The following FAM3A variants were observed in gnomAD, a reference collection of about 807,000 sequenced individuals.
FAM3A encodes protein FAM3A.
FAM3A carries 5 observed loss-of-function variants against 18.1 expected under a neutral mutation model. The observed-to-expected ratio is 0.28, with a 90% confidence interval of 0.14 to 0.58. FAM3A has a LOEUF of 0.58. Among genes scored for constraint, FAM3A ranks in the 20% least tolerant of loss-of-function variants. FAM3A has a pLI of 0.91. For missense variants in FAM3A, 154 were observed against 216.6 expected, an observed-to-expected ratio of 0.71 and a Z score of 1.81; for synonymous variants, 108 against 90.2, an observed-to-expected ratio of 1.20 and a Z score of -1.12.
At position 154,506,859 on chromosome X, in the gene FAM3A, C is replaced by T; in HGVS notation, c.645G>A (p.Glu215=). ...KHSNKYEGWP[E]ALEMEGCIPR... Reference sequence around the variant, plus strand: ...GGATACAGCCTTCCATCTCCAGCGCCTCGGGCCAGCCTTCGTACTTGTTGC... The same window carrying T: ...GGATACAGCCTTCCATCTCCAGCGCTTCGGGCCAGCCTTCGTACTTGTTGC... The change falls in exon 9 of 9, where the codon GAG becomes GAA. Residue 215 remains glutamate (E), a synonymous_variant. Coordinates refer to ENST00000447601, the MANE Select transcript of FAM3A (RefSeq NM_021806.4). 8.3e-7 allele frequency: 1 copy of T among 1,212,073 alleles called. No individual in the cohort carries two copies. Among genetic ancestry groups the T allele is most frequent in the Non-Finnish European group, 1.1e-6 (1 of 895,352 alleles).
Position 154,506,879 on chromosome X carries a change from T to G in FAM3A, c.625A>C (p.Lys209Gln). The G allele has an allele frequency of 8.3e-7, 1 of 1,211,624 alleles. No individual in the cohort carries two copies. Among genetic ancestry groups the G allele is most frequent in the Non-Finnish European group, 1.1e-6 (1 of 895,028 alleles). Residue 209 changes from lysine to glutamine, a missense_variant, in exon 9 of 9, where the codon AAG (lysine) becomes CAG (glutamine). Lys to Gln is a moderately conservative substitution (Grantham distance 53). This residue lies in a region of FAM3A where 39 missense variants were observed against 38.5 expected (regional missense o/e 1.01). Transcript: ENST00000447601. ...QHVKNSKHSN[K>Q]YEGWPEALEM... ...AGCGCCTCGGGCCAGCCTTCGTACT[T>G]GTTGCTGTGCTTACTGTTCTTCACG...
intron 7 of FAM3A, 27 bp from the exon 8 acceptor site, chrX:154,507,356 G>T: frequency 8.3e-7 from 1 of 1,211,926 alleles, no homozygotes; most frequent in Non-Finnish European, 1.1e-6. Flanking sequence ...AGGGGTGTCA[G>T]CTGTTGCTGC....
At chrX:154,508,370 G>GGGGGGCCCCCCCCCCCCC in intron 4 of FAM3A, 23 bp from the exon 5 acceptor site, 1 of 317,069 alleles carries the variant, frequency 3.2e-6, no homozygotes, top group Non-Finnish European at 5.6e-6. Context: ...GGGTGGGGGG[G>GGGGGGCCCCCCCCCCCCC]ACGGGGAGAT....
chrX:154,512,686 C>G lies in FAM3A; in HGVS notation c.127+137G>C, dbSNP rs782104536. On this transcript the variant is annotated intron_variant, in intron 2 of 8. Transcript: ENST00000447601. ...GCTGCGCCTGATGCCAGGAGACAGA[C>G]TGGGGACAGCCAAAGGTAGCCTGCC... 1.5e-4 allele frequency: 70 copies of G among 475,529 alleles called. No individual in the cohort carries two copies. The Middle Eastern group carries it at 3.5e-3, about 24-fold the overall frequency. The allele number at this position is 475,529 out of a possible 1,213,427, so 39.2% of individuals were successfully genotyped here. A position where few individuals can be genotyped will look rare whatever the true frequency, so the allele number is the denominator to read the frequency against.
intron 3 of FAM3A, chrX:154,509,924 C>G (rs1569555813): frequency 8.9e-6 from 1 of 112,557 alleles, no homozygotes; most frequent in East Asian, 2.8e-4. Context: ...TAGAAAAGGT[C>G]TGGATTGCCT....
intron 1 of FAM3A, among the ~76,000 whole-genome samples, chrX:154,514,276 T>C (rs782567844): frequency 8.9e-6 from 1 of 112,032 alleles, no homozygotes; most frequent in South Asian, 3.7e-4. Context: ...GGAGTCTTGC[T>C]CTTGCCCCCC....
In FAM3A at chrX:154,508,151, T is replaced by C. The variant is rs2069660640; in HGVS notation, c.334+138A>G. On this transcript the variant is annotated intron_variant, in intron 5 of 8. Transcript: ENST00000447601. ...CATTGGGTCACTCCTCTGTGGAGCC[T>C]TGCGCTTGCACAGACTCCTTCCCAG... is the stretch of plus-strand genomic sequence containing the variant. 1.0e-5 allele frequency: 5 copies of C among 488,324 alleles called. No individual in the cohort carries two copies. The South Asian group carries it at 1.4e-4, about 13-fold the overall frequency. The allele number at this position is 488,324 out of a possible 1,213,427, so 40.2% of individuals were successfully genotyped here.
chrX:154,508,301 C>T lies in FAM3A; in HGVS notation c.322G>A (p.Ala108Thr). The change falls in exon 5 of 9, where the codon GCC becomes ACC. Residue 108 changes from alanine (A) to threonine (T), a missense_variant. Physicochemically the swap from Ala to Thr is moderately conservative, Grantham distance 58 (BLOSUM62 0). Transcript: ENST00000447601. Reference sequence around the variant, plus strand: ...CCAGGGGCCTCACCGTTCACCAGGGCGATGTTCAGCCCGCGGCCCACGTTG... The same window carrying T: ...CCAGGGGCCTCACCGTTCACCAGGGTGATGTTCAGCCCGCGGCCCACGTTG... ...KDNVGRGLNIALVNGVSGELI... is the reference protein window; with the variant it reads ...KDNVGRGLNITLVNGVSGELI... 1.9e-6 allele frequency: 2 copies of T among 1,073,543 alleles called. No homozygotes were observed. The highest frequency in any genetic ancestry group is 2.4e-5 in the South Asian group (1 of 42,550). 88.5% of individuals were successfully genotyped at this position (1,073,543 alleles called of 1,213,427 possible).
At position 154,506,351 on chromosome X, in the gene FAM3A, C is replaced by T. The variant is rs1212136183; in HGVS notation, c.*460G>A. The T allele has an allele frequency of 8.3e-6, 1 of 120,552 alleles. No individual in the cohort carries two copies. Among genetic ancestry groups the T allele is most frequent in the Admixed American group, 8.5e-5 (1 of 11,732 alleles). 9.9% of individuals were successfully genotyped at this position (120,552 alleles called of 1,213,427 possible). A position where few individuals can be genotyped will look rare whatever the true frequency, so the allele number is the denominator to read the frequency against. On this transcript the variant is annotated 3_prime_UTR_variant, in exon 9 of 9. Transcript: ENST00000447601. ...CATGAAGCAGCCACCGGGTTTGGCT[C>T]ACTGGAAGGAATCACACTGGAAACA...
rs782748634 is a variant in FAM3A at position 154,506,685 on chromosome X, G to A, written c.*126C>T. ...GTTCTGGTCACTGCCTCGGAGCCCCGATGTGTTGGGGCCAGGGAGCGCTCC... is the reference window on the plus strand; with the variant it reads ...GTTCTGGTCACTGCCTCGGAGCCCCAATGTGTTGGGGCCAGGGAGCGCTCC... On this transcript the variant is annotated 3_prime_UTR_variant, in exon 9 of 9. Transcript: ENST00000447601. The A allele has an allele frequency of 9.7e-5, 50 of 513,809 alleles. No individual in the cohort carries two copies. Among genetic ancestry groups the A allele is most frequent in the African/African-American group, 3.7e-4 (16 of 43,310 alleles). 42.3% of individuals were successfully genotyped at this position (513,809 alleles called of 1,213,427 possible).
chrX:154,512,245 T>TAAGAAG (rs1557223095), intron 2 of FAM3A: 7 of 41,395 alleles, frequency 1.7e-4, no homozygotes, highest in Non-Finnish European at 3.1e-4. Flanking sequence ...ATAATAATAA[T>TAAGAAG]AATAATAATA....
chrX:154,506,609 C>G lies in FAM3A; in HGVS notation c.*202G>C. The G allele has an allele frequency of 2.3e-6, 1 of 427,887 alleles. No homozygotes were observed. The highest frequency in any genetic ancestry group is 3.5e-5 in the South Asian group (1 of 28,801). 35.3% of individuals were successfully genotyped at this position (427,887 alleles called of 1,213,427 possible). ...TACCCTGGGCTCCCGTGACAAAGTG[C>G]GGCAGGGCTACCCCCTGCAGCCCCC... On this transcript the variant is annotated 3_prime_UTR_variant, in exon 9 of 9. Coordinates refer to ENST00000447601, the MANE Select transcript of FAM3A (RefSeq NM_021806.4).
intron 3 of FAM3A, chrX:154,509,198 G>A (rs1280330650): frequency 3.1e-5 from 5 of 163,280 alleles, no homozygotes; most frequent in African/African-American, 1.5e-4. Context: ...AAGTGACAAA[G>A]ACACACAGAG....
intron 1 of FAM3A, among the ~76,000 whole-genome samples, chrX:154,513,994 G>A (rs1371994115): frequency 9.2e-6 from 1 of 109,155 alleles, no homozygotes; most frequent in African/African-American, 3.3e-5. Context: ...GATGACCTTT[G>A]TGGTGTCACC....
At chrX:154,514,564 C>T (rs781801372) in intron 1 of FAM3A, among the ~76,000 whole-genome samples, 139 of 109,296 alleles carry the variant, frequency 1.3e-3, no homozygotes, top group South Asian at 6.6e-3. Context: ...CCACCACGCC[C>T]GGCTAATTTT....
chrX:154,508,302 G>A lies in FAM3A; in HGVS notation c.321C>T (p.Ile107=), dbSNP rs1339049229. ...CAGGGGCCTCACCGTTCACCAGGGC[G>A]ATGTTCAGCCCGCGGCCCACGTTGT... ...VKDNVGRGLN[I]ALVNGVSGEL... Residue 107 remains isoleucine (I), a synonymous_variant, in exon 5 of 9, where the codon ATC becomes ATT. Transcript: ENST00000447601. 10 of 1,065,924 alleles carry A rather than the reference G, an allele frequency of 9.4e-6. No homozygotes were observed. The highest frequency in any genetic ancestry group is 1.2e-5 in the Non-Finnish European group (10 of 824,628). The allele number at this position is 1,065,924 out of a possible 1,213,427, so 87.8% of individuals were successfully genotyped here. A position where few individuals can be genotyped will look rare whatever the true frequency, so the allele number is the denominator to read the frequency against.
chrX:154,507,560 C>CCAAA, intron 6 of FAM3A, 70 bp from the exon 7 acceptor site: 1 of 1,069,474 alleles, frequency 9.4e-7, no homozygotes, highest in Non-Finnish European at 1.3e-6. Context: ...AGCCCGTTCT[C>CCAAA]CAAACAAGGA....
chrX:154,507,616 G>C, intron 6 of FAM3A, 126 bp from the exon 7 acceptor site: 1 of 845,505 alleles, frequency 1.2e-6, no homozygotes, highest in Admixed American at 2.6e-5. Flanking sequence ...CCAAGGGACA[G>C]GCTGGTGTAG....
rs782624589 is a variant in FAM3A, at chrX:154,507,341, G to C, written c.471-12C>G. 1.7e-6 allele frequency: 2 copies of C among 1,212,028 alleles called. No homozygotes were observed. Among genetic ancestry groups the C allele is most frequent in the Admixed American group, 4.3e-5 (2 of 46,094 alleles). The stretch of plus-strand genomic sequence containing the variant: ...TCTCTTCATTCATCCTGCAGCATGG[G>C]AGGAAGGGGTGTCAGCTGTTGCTGC... On this transcript the variant is annotated splice_polypyrimidine_tract_variant and intron_variant, in intron 7 of 8. Coordinates refer to ENST00000447601, the MANE Select transcript of FAM3A (RefSeq NM_021806.4).
Sources: gnomAD v4.1 joint callset for allele counts (sites outside exome capture counted in the v4.1 genomes callset) on GRCh38, gnomAD v4.1.1 for gene constraint, gnomAD v4.1.1 regional missense constraint, MANE v1.5 for transcripts, NCBI Gene and HGNC (gene_info 2026-07-23, HGNC 2026-07-21) for gene names.